SV2C: variants seen among roughly 807,000 people sequenced by gnomAD.
SV2C encodes the protein solute carrier family 22 member B3.
A neutral mutation model predicts 79.7 loss-of-function variants in SV2C; 49 were observed. That is an observed-to-expected ratio of 0.61 (90% CI 0.49 to 0.78). The LOEUF is 0.78. Ranked by LOEUF, SV2C falls within the 30% of genes least tolerant of loss-of-function variation. The pLI, the probability that SV2C is intolerant of heterozygous loss-of-function variation, is 0.00. For missense variants in SV2C, 833 were observed against 912.9 expected, an observed-to-expected ratio of 0.91 and a Z score of 1.13; for synonymous variants, 334 against 333.2, an observed-to-expected ratio of 1.00 and a Z score of -0.03.
intron 2 of SV2C, among the ~76,000 whole-genome samples, chr5:76,175,502 T>A (rs1743497849): frequency 6.6e-6 from 1 of 152,186 alleles, no homozygotes; most frequent in Admixed American, 6.5e-5. Flanking sequence ...TCATCATTGT[T>A]AAAGTGCAGA....
chr5:75,889,628 A>G, the SV2C span, among the ~76,000 whole-genome samples: 1 of 152,082 alleles, frequency 6.6e-6, no homozygotes, highest in Admixed American at 6.6e-5. Context: ...ATTTTTAAAG[A>G]TTATCTCCAA....
chr5:76,215,383 A>G (rs78673482), intron 4 of SV2C, among the ~76,000 whole-genome samples: 2,051 of 152,254 alleles, frequency 0.013, 54 homozygotes, highest in African/African-American at 0.046. Flanking sequence ...GAGTTTCCGT[A>G]TTGTTGGTTT....
At chr5:76,096,521 G>T (rs1309431085) in intron 1 of SV2C, among the ~76,000 whole-genome samples, 1 of 152,110 alleles carries the variant, frequency 6.6e-6, no homozygotes, top group Non-Finnish European at 1.5e-5. Context: ...GTTGCATTTT[G>T]AATTCAGGTC....
the SV2C span, among the ~76,000 whole-genome samples, chr5:76,071,306 C>T: frequency 2.0e-4 from 31 of 152,132 alleles, no homozygotes; most frequent in Admixed American, 2.0e-3. Flanking sequence ...GGAGAAGACG[C>T]ACCGAGCAGG....
chr5:76,152,221 G>A (rs736005), intron 2 of SV2C, among the ~76,000 whole-genome samples: 1 of 152,006 alleles, frequency 6.6e-6, no homozygotes, highest in Non-Finnish European at 1.5e-5. Context: ...TGAACTGCTC[G>A]ATTTGGTTTT....
At chr5:75,891,957 A>G in the SV2C span, among the ~76,000 whole-genome samples, 3,531 of 152,078 alleles carry the variant, frequency 0.023, 59 homozygotes, top group African/African-American at 0.053. Context: ...GGGCCAGATA[A>G]ACCCTGACCT....
intron 4 of SV2C, among the ~76,000 whole-genome samples, chr5:76,266,533 A>T (rs992892834): frequency 6.6e-6 from 1 of 152,238 alleles, no homozygotes; most frequent in African/African-American, 2.4e-5. Flanking sequence ...TGAAGACATT[A>T]TGGTAAGTGA....
At chr5:76,140,119 A>G (rs893533593) in intron 2 of SV2C, among the ~76,000 whole-genome samples, 1 of 152,170 alleles carries the variant, frequency 6.6e-6, no homozygotes, top group South Asian at 2.1e-4. Context: ...TGGCATTCCT[A>G]TATCTTCCAT....
At chr5:75,975,677 C>G in the SV2C span, among the ~76,000 whole-genome samples, 1 of 152,096 alleles carries the variant, frequency 6.6e-6, no homozygotes, top group Non-Finnish European at 1.5e-5. Flanking sequence ...GCGTAAAAGC[C>G]TGTTTTAATG....
chr5:75,976,856 C>G, the SV2C span, among the ~76,000 whole-genome samples: 3 of 152,068 alleles, frequency 2.0e-5, no homozygotes, highest in Non-Finnish European at 4.4e-5. Context: ...TTTTGTAATT[C>G]GAAAAGCTAG....
chr5:76,178,839 C>T (rs1272583188), intron 2 of SV2C, among the ~76,000 whole-genome samples: 1 of 152,178 alleles, frequency 6.6e-6, no homozygotes, highest in East Asian at 1.9e-4. Context: ...TCTTGGGACA[C>T]TCAAGATTTT....
chr5:76,247,606 G>A (rs1347635272), intron 4 of SV2C, among the ~76,000 whole-genome samples: 2 of 152,158 alleles, frequency 1.3e-5, no homozygotes, highest in Non-Finnish European at 2.9e-5. Context: ...CTGTGCATTG[G>A]CACACAGGAG....
chr5:76,279,223 G>A (rs1747110034), intron 4 of SV2C, among the ~76,000 whole-genome samples: 1 of 152,212 alleles, frequency 6.6e-6, no homozygotes, highest in South Asian at 2.1e-4. Flanking sequence ...CACCCATTAG[G>A]CATCTCTGTG....
At position 76,303,215 on chromosome 5, in the gene SV2C, C is replaced by T. The variant is rs534078980; in HGVS notation, c.2000+1670C>T. 5.5e-4 allele frequency among the ~76,000 whole-genome samples: 84 copies of T among 152,282 alleles called. 1 individual carries two copies. The South Asian group carries it at 0.015, about 28-fold the overall frequency. ...TGAAAGGAACCATACAATCTTTGTACGGCATCTCCTTCATTCATTCAACAA... is the reference window on the plus strand; with the variant it reads ...TGAAAGGAACCATACAATCTTTGTATGGCATCTCCTTCATTCATTCAACAA... On this transcript the variant is annotated intron_variant, in intron 12 of 12. Coordinates refer to ENST00000502798, the MANE Select transcript of SV2C (RefSeq NM_014979.4).
chr5:75,962,645 A>G, the SV2C span, among the ~76,000 whole-genome samples: 1 of 152,110 alleles, frequency 6.6e-6, no homozygotes, highest in African/African-American at 2.4e-5. Flanking sequence ...AAGAGCAAAA[A>G]GTTTCAGAGC....
chr5:76,069,832 T>A, the SV2C span, among the ~76,000 whole-genome samples: 6 of 146,854 alleles, frequency 4.1e-5, no homozygotes, highest in Non-Finnish European at 6.0e-5. Flanking sequence ...TCTCTCTCTC[T>A]CTCACACACA....
intron 4 of SV2C, among the ~76,000 whole-genome samples, chr5:76,226,380 C>T (rs1745244668): frequency 6.6e-6 from 1 of 152,126 alleles, no homozygotes; most frequent in Non-Finnish European, 1.5e-5. Flanking sequence ...AGAGGATTAG[C>T]AGCTACTGAG....
At chr5:76,084,264 T>G in intron 1 of SV2C, 1 of 152,396 alleles carries the variant, frequency 6.6e-6, no homozygotes, top group Admixed American at 6.5e-5. Flanking sequence ...GACCCGAGGC[T>G]GTGAAGCTCA....
intron 2 of SV2C, among the ~76,000 whole-genome samples, chr5:76,144,614 T>TTA (rs1382258842): frequency 6.6e-6 from 1 of 152,148 alleles, no homozygotes; most frequent in Non-Finnish European, 1.5e-5. Flanking sequence ...ATGATCAACT[T>TTA]TAGACAGTGG....
Sources: gnomAD v4.1 joint callset for allele counts (sites outside exome capture counted in the v4.1 genomes callset) on GRCh38, gnomAD v4.1.1 for gene constraint, MANE v1.5 for transcripts, NCBI Gene and HGNC (gene_info 2026-07-23, HGNC 2026-07-21) for gene names.